Variants in HTR2C observed in about 807,000 individuals in gnomAD.
HTR2C encodes 5-hydroxytryptamine receptor 2C.
In HTR2C, 5 loss-of-function variants were observed where a neutral mutation model predicts 21.0. That is an observed-to-expected ratio of 0.24 (90% CI 0.12 to 0.50). HTR2C has a LOEUF of 0.50. Ranked by LOEUF, HTR2C falls within the 20% of genes least tolerant of loss-of-function variation. The pLI, the probability that HTR2C is intolerant of heterozygous loss-of-function variation, is 0.98. For synonymous variants in HTR2C, 150 were observed against 145.3 expected (o/e 1.03, Z -0.23); for missense variants, 271 against 371.2 (o/e 0.73, Z 2.22).
intron 4 of HTR2C, 105 bp downstream of exon 4, chrX:114,731,712 G>A: frequency 5.0e-6 from 3 of 605,055 alleles, no homozygotes; most frequent in East Asian, 3.5e-5. Context: ...TTTGGAAAAA[G>A]AAAAAAGCAA....
rs929857966 is a variant in HTR2C at position 114,907,129 on chromosome X, A to G, written c.1091A>G (p.Asn364Ser). Residue 364 changes from asparagine to serine, a missense_variant, in exon 6 of 6, where the codon AAT (asparagine) becomes AGT (serine). By Grantham distance (46) the Asn-to-Ser change is conservative (BLOSUM62 1). Transcript: ENST00000276198. ...VWIGYVCSGI[N>S]PLVYTLFNKI... ...ATTGGCTATGTTTGTTCAGGAATCA[A>G]TCCTCTGGTGTATACTCTGTTCAAC... 1.7e-6 allele frequency: 2 copies of G among 1,211,476 alleles called. No individual in the cohort carries two copies. Among genetic ancestry groups the G allele is most frequent in the Admixed American group, 2.2e-5 (1 of 46,003 alleles).
At chrX:114,724,696 T>G (rs1184734251) in intron 2 of HTR2C, among the ~76,000 whole-genome samples, 1 of 107,687 alleles carries the variant, frequency 9.3e-6, no homozygotes, top group East Asian at 2.9e-4. Flanking sequence ...CAGGAGCTCT[T>G]TTAGGGCAGG....
intron 2 of HTR2C, among the ~76,000 whole-genome samples, chrX:114,668,803 G>A (rs1556411238): frequency 9.0e-6 from 1 of 110,907 alleles, no homozygotes. Context: ...TTTTCCTTGG[G>A]ATTATTAGGT....
At chrX:114,895,595 G>A (rs961315362) in intron 5 of HTR2C, among the ~76,000 whole-genome samples, 1 of 111,260 alleles carries the variant, frequency 9.0e-6, no homozygotes, top group South Asian at 3.7e-4. Context: ...TATGTAGGAT[G>A]TAATTTCCTC....
intron 5 of HTR2C, among the ~76,000 whole-genome samples, chrX:114,870,399 GTGTC>G (rs2071082821): frequency 9.0e-6 from 1 of 111,214 alleles, no homozygotes; most frequent in Admixed American, 9.6e-5. Flanking sequence ...TTGTTTTGAT[GTGTC>G]TGTCTTTTTT....
At chrX:114,853,004 C>T (rs2070932095) in intron 5 of HTR2C, among the ~76,000 whole-genome samples, 1 of 111,244 alleles carries the variant, frequency 9.0e-6, no homozygotes, top group Non-Finnish European at 1.9e-5. Flanking sequence ...TTTGCATTCC[C>T]ACCAGCAATG....
intron 1 of HTR2C, among the ~76,000 whole-genome samples, chrX:114,610,851 T>C (rs781806792): frequency 9.0e-6 from 1 of 111,342 alleles, no homozygotes; most frequent in Non-Finnish European, 1.9e-5. Flanking sequence ...AGATGCAAAA[T>C]GTTAATATAA....
At chrX:114,691,094 TTGAG>T (rs1353098478) in intron 2 of HTR2C, among the ~76,000 whole-genome samples, 1 of 111,364 alleles carries the variant, frequency 9.0e-6, no homozygotes, top group African/African-American at 3.3e-5. Flanking sequence ...GTAAAAATGA[TTGAG>T]TGTCTTGTAG....
At chrX:114,618,636 C>CTAATT (rs199546821) in intron 2 of HTR2C, among the ~76,000 whole-genome samples, 3,840 of 111,567 alleles carry the variant, frequency 0.034, 174 homozygotes, top group African/African-American at 0.12. Flanking sequence ...ACATATGACT[C>CTAATT]TAAACGTAAC....
Position 114,708,526 on chromosome X carries a change from G to A in HTR2C, c.-79-18332G>A, listed in dbSNP as rs141779402. Among the ~76,000 whole-genome samples the A allele has an allele frequency of 2.5e-3, 279 of 111,892 alleles. 1 individual carries two copies. Among genetic ancestry groups the A allele is most frequent in the African/African-American group, 8.6e-3 (266 of 30,834 alleles). ...TCAAAAGTTTTAGCATTGGCCTGGT[G>A]TGGTGGGTGATACCTGTAAATCTCA... On this transcript the variant is annotated intron_variant, in intron 2 of 5. Transcript: ENST00000276198.
intron 2 of HTR2C, among the ~76,000 whole-genome samples, chrX:114,650,449 G>C (rs1930516875): frequency 9.0e-6 from 1 of 111,184 alleles, no homozygotes; most frequent in Admixed American, 9.6e-5. Context: ...TGTCACAGTG[G>C]TTCACACTCA....
chrX:114,814,030 A>G (rs1395016313), intron 4 of HTR2C, among the ~76,000 whole-genome samples: 1 of 111,264 alleles, frequency 9.0e-6, no homozygotes, highest in Non-Finnish European at 1.9e-5. Context: ...GGCTTCCCAG[A>G]TAAAGTACTG....
chrX:114,879,849 T>C (rs2071166776), intron 5 of HTR2C, among the ~76,000 whole-genome samples: 2 of 110,949 alleles, frequency 1.8e-5, no homozygotes, highest in African/African-American at 6.5e-5. Flanking sequence ...TTAATGGGAA[T>C]TTGGGCTGGT....
chrX:114,863,154 G>A (rs1263345942), intron 5 of HTR2C, among the ~76,000 whole-genome samples: 1 of 111,668 alleles, frequency 9.0e-6, no homozygotes. Flanking sequence ...ATAAACATGA[G>A]AGTGCAGATA....
intron 4 of HTR2C, among the ~76,000 whole-genome samples, chrX:114,804,810 G>T (rs1482290960): frequency 9.0e-6 from 1 of 111,607 alleles, no homozygotes; most frequent in Admixed American, 9.6e-5. Context: ...TCTGGTGTCT[G>T]CTTCCTCTAC....
In HTR2C at chrX:114,906,660, G is replaced by A. The variant is rs782783355; in HGVS notation, c.622G>A (p.Val208Met). Residue 208 changes from valine to methionine, a missense_variant, in exon 6 of 6, where the codon GTG (valine) becomes ATG (methionine). This residue lies in a region of HTR2C where 192 missense variants were observed against 247.2 expected (regional missense o/e 0.78). Transcript: ENST00000276198. ...EKVFVNNTTC[V>M]LNDPNFVLIG... ...GGTGTTCGTGAACAACACGACGTGC[G>A]TGCTCAACGACCCAAATTTCGTTCT... The A allele has an allele frequency of 9.9e-6, 12 of 1,209,209 alleles. No homozygotes were observed. The East Asian group carries it at 1.2e-4, about 12-fold the overall frequency.
At chrX:114,860,416 A>G (rs1203653927) in intron 5 of HTR2C, among the ~76,000 whole-genome samples, 4 of 110,817 alleles carry the variant, frequency 3.6e-5, no homozygotes, top group Non-Finnish European at 7.6e-5. Flanking sequence ...TTTATGATAT[A>G]TCAGCTTTCT....
At chrX:114,688,814 G>T (rs1932009375) in intron 2 of HTR2C, among the ~76,000 whole-genome samples, 1 of 111,011 alleles carries the variant, frequency 9.0e-6, no homozygotes, top group African/African-American at 3.3e-5. Context: ...CATAGCTGTG[G>T]TGTTCCAGAC....
chrX:114,859,811 A>G (rs1369101681), intron 5 of HTR2C, among the ~76,000 whole-genome samples: 1 of 111,556 alleles, frequency 9.0e-6, no homozygotes, highest in Non-Finnish European at 1.9e-5. Flanking sequence ...TAATATACAC[A>G]TTTAAATCCA....
Sources: gnomAD v4.1 joint callset for allele counts (sites outside exome capture counted in the v4.1 genomes callset) on GRCh38, gnomAD v4.1.1 for gene constraint, gnomAD v4.1.1 regional missense constraint, MANE v1.5 for transcripts, NCBI Gene and HGNC (gene_info 2026-07-23, HGNC 2026-07-21) for gene names.